Variants in MKLN1 observed in about 807,000 individuals in gnomAD.
The protein encoded by MKLN1 is muskelin.
In MKLN1, 18 loss-of-function variants were observed where a neutral mutation model predicts 99.0. That is an observed-to-expected ratio of 0.18 (90% CI 0.13 to 0.27). MKLN1 has a LOEUF of 0.27. Among genes scored for constraint, MKLN1 ranks in the 10% least tolerant of loss-of-function variants. The probability of loss-of-function intolerance (pLI) is 1.00; values close to 1 mark genes in which losing one functional copy is unlikely to be tolerated. For missense variants in MKLN1, 621 were observed against 875.9 expected, an observed-to-expected ratio of 0.71 and a Z score of 3.67; for synonymous variants, 288 against 293.2, an observed-to-expected ratio of 0.98 and a Z score of 0.18.
intron 3 of MKLN1, among the ~76,000 whole-genome samples, chr7:131,282,007 A>G (rs1798058870): frequency 6.6e-6 from 1 of 151,860 alleles, no homozygotes; most frequent in Non-Finnish European, 1.5e-5. Flanking sequence ...TACTCTTATC[A>G]TGGTGCTTTA....
chr7:131,466,922 C>G (rs576313470), intron 15 of MKLN1, among the ~76,000 whole-genome samples: 2 of 149,118 alleles, frequency 1.3e-5, no homozygotes, highest in Admixed American at 6.6e-5. Flanking sequence ...CACACACACA[C>G]ACGCGCGCGC....
At chr7:131,275,565 A>ATTTTT (rs1429291720) in intron 3 of MKLN1, among the ~76,000 whole-genome samples, 2 of 6,606 alleles carry the variant, frequency 3.0e-4, no homozygotes, top group African/African-American at 5.6e-4. Context: ...ATATATATAT[A>ATTTTT]TATTTTTTTT....
intron 3 of MKLN1, among the ~76,000 whole-genome samples, chr7:131,277,251 G>A (rs1479297552): frequency 6.6e-6 from 1 of 151,578 alleles, no homozygotes; most frequent in Non-Finnish European, 1.5e-5. Flanking sequence ...AGGATGATCT[G>A]TATTGTAAAC....
At chr7:131,157,512 T>G (rs114144764) in intron 2 of MKLN1, among the ~76,000 whole-genome samples, 1 of 152,226 alleles carries the variant, frequency 6.6e-6, no homozygotes, top group Non-Finnish European at 1.5e-5. Flanking sequence ...ATCTACCTCA[T>G]AGAATTGTTG....
At chr7:131,139,333 G>A (rs1203147426) in intron 1 of MKLN1, among the ~76,000 whole-genome samples, 1 of 151,890 alleles carries the variant, frequency 6.6e-6, no homozygotes, top group Non-Finnish European at 1.5e-5. Context: ...CCTGCTCTTG[G>A]ACTCCCCCCG....
intron 3 of MKLN1, among the ~76,000 whole-genome samples, chr7:131,269,398 C>T (rs532619893): frequency 3.4e-4 from 51 of 152,194 alleles, no homozygotes; most frequent in African/African-American, 1.1e-3. Flanking sequence ...CATGGTGGAA[C>T]GGGCAAGCTA....
chr7:131,252,453 C>G, intron 3 of MKLN1, among the ~76,000 whole-genome samples: 1 of 151,110 alleles, frequency 6.6e-6, no homozygotes, highest in Middle Eastern at 3.4e-3. Context: ...CTCAGCCTCC[C>G]GAGTAGCTGG....
intron 12 of MKLN1, among the ~76,000 whole-genome samples, chr7:131,461,982 T>C (rs940336440): frequency 2.0e-5 from 3 of 152,194 alleles, no homozygotes; most frequent in Non-Finnish European, 4.4e-5. Context: ...TTGGGGAGTT[T>C]AAGCCACTCA....
intron 3 of MKLN1, among the ~76,000 whole-genome samples, chr7:131,238,055 G>T (rs1409800810): frequency 6.6e-6 from 1 of 152,100 alleles, no homozygotes; most frequent in African/African-American, 2.4e-5. Flanking sequence ...GCTGAGGCAC[G>T]AGAATCACTT....
At chr7:131,159,520 A>G (rs1796016111) in intron 2 of MKLN1, among the ~76,000 whole-genome samples, 1 of 152,158 alleles carries the variant, frequency 6.6e-6, no homozygotes, top group Non-Finnish European at 1.5e-5. Flanking sequence ...AAAAATGTGG[A>G]TCTCATGGAG....
intron 3 of MKLN1, among the ~76,000 whole-genome samples, chr7:131,306,869 T>C (rs1798474526): frequency 6.6e-6 from 1 of 152,224 alleles, no homozygotes; most frequent in Non-Finnish European, 1.5e-5. Flanking sequence ...AACCAAATGT[T>C]AATTGCCAAG....
intron 3 of MKLN1, among the ~76,000 whole-genome samples, chr7:131,296,424 T>C (rs983702716): frequency 2.0e-5 from 3 of 152,188 alleles, no homozygotes; most frequent in African/African-American, 7.2e-5. Flanking sequence ...TATCTTAATA[T>C]AGAAAAAATA....
At chr7:131,249,612 G>A (rs1453333539) in intron 3 of MKLN1, among the ~76,000 whole-genome samples, 2 of 152,146 alleles carry the variant, frequency 1.3e-5, no homozygotes, top group Non-Finnish European at 2.9e-5. Flanking sequence ...AGCATTAGGA[G>A]AATTCAGAAG....
At chr7:131,277,014 CA>C (rs1403589900) in intron 3 of MKLN1, among the ~76,000 whole-genome samples, 1 of 151,968 alleles carries the variant, frequency 6.6e-6, no homozygotes, top group African/African-American at 2.4e-5. Context: ...TTTAAGTCAC[CA>C]AGGAAGAGCC....
At chr7:131,332,601 T>C (rs118150749) in intron 1 of MKLN1, among the ~76,000 whole-genome samples, 4 of 151,862 alleles carry the variant, frequency 2.6e-5, no homozygotes, top group Non-Finnish European at 4.4e-5. Context: ...AGATTACTAG[T>C]CACCCTTTAA....
chr7:131,198,793 AAAG>A (rs1796685210), intron 2 of MKLN1, among the ~76,000 whole-genome samples: 1 of 152,244 alleles, frequency 6.6e-6, no homozygotes, highest in Admixed American at 6.5e-5. Flanking sequence ...AAAATATTAC[AAAG>A]AAGAAGAAAC....
At chr7:131,349,609 T>C (rs1372563958) in intron 1 of MKLN1, among the ~76,000 whole-genome samples, 3 of 152,234 alleles carry the variant, frequency 2.0e-5, no homozygotes, top group Admixed American at 2.0e-4. Flanking sequence ...GATCTTTGCA[T>C]TAGGTAGAAA....
intron 3 of MKLN1, among the ~76,000 whole-genome samples, chr7:131,223,017 A>G (rs754885506): frequency 2.0e-5 from 3 of 152,228 alleles, no homozygotes; most frequent in Non-Finnish European, 4.4e-5. Context: ...TTTTGGTGAC[A>G]GAGCAAGACT....
At chr7:131,395,389 C>T (rs1373526946) in intron 4 of MKLN1, among the ~76,000 whole-genome samples, 2 of 151,890 alleles carry the variant, frequency 1.3e-5, no homozygotes, top group Non-Finnish European at 2.9e-5. Context: ...GGATACTAGA[C>T]AGATGTGTAC....
Sources: gnomAD v4.1 joint callset for allele counts (sites outside exome capture counted in the v4.1 genomes callset) on GRCh38, gnomAD v4.1.1 for gene constraint, MANE v1.5 for transcripts, NCBI Gene and HGNC (gene_info 2026-07-23, HGNC 2026-07-21) for gene names.